The following AGBL4 variants were observed in gnomAD, a reference collection of about 807,000 sequenced individuals.
AGBL4 encodes the protein cytosolic carboxypeptidase 6.
In AGBL4, 58 loss-of-function variants were observed where a neutral mutation model predicts 66.4. The observed-to-expected ratio is 0.87, with a 90% CI of 0.71 to 1.09. AGBL4 has a LOEUF of 1.09. Ranked by LOEUF, AGBL4 falls within the 50% of genes least tolerant of loss-of-function variation. The probability of loss-of-function intolerance (pLI) is 0.00; values close to 1 mark genes in which losing one functional copy is unlikely to be tolerated. For missense variants in AGBL4, 579 were observed against 631.0 expected (o/e 0.92, Z 0.88); for synonymous variants, 234 against 222.9 (o/e 1.05, Z -0.44).
intron 1 of AGBL4, among the ~76,000 whole-genome samples, chr1:50,014,498 T>C (rs896887313): frequency 6.6e-6 from 1 of 151,904 alleles, no homozygotes; most frequent in Non-Finnish European, 1.5e-5. Flanking sequence ...CAAGATCAGT[T>C]TCCTAAATAG....
At position 48,621,223 on chromosome 1, in the gene AGBL4, A is replaced by G. The variant is rs528726528; in HGVS notation, c.951+13270T>C. The stretch of plus-strand genomic sequence containing the variant: ...TCTGGGACAGGAATTTTGAGCAGAG[A>G]AAGTAGAGATAAGATAGATGGAAAG... On this transcript the variant is annotated intron_variant, in intron 9 of 13. Transcript: ENST00000371839. Among the ~76,000 whole-genome samples the G allele has an allele frequency of 4.1e-4, 62 of 152,298 alleles. No individual in the cohort carries two copies. In the South Asian group the frequency reaches 4.4e-3, roughly 11 times the overall value.
intron 4 of AGBL4, among the ~76,000 whole-genome samples, chr1:49,079,630 A>C (rs1410155070): frequency 6.6e-6 from 1 of 152,184 alleles, no homozygotes; most frequent in African/African-American, 2.4e-5. Flanking sequence ...TTGGGTAGGG[A>C]CACAGAGCCA....
intron 3 of AGBL4, among the ~76,000 whole-genome samples, chr1:49,546,255 GTGTGTATATATA>G (rs1478548476): frequency 1.3e-5 from 2 of 151,386 alleles, no homozygotes; most frequent in Non-Finnish European, 2.9e-5. Context: ...ATATATATGT[GTGTGTATATATA>G]TGTGTATATA....
intron 3 of AGBL4, among the ~76,000 whole-genome samples, chr1:49,428,287 A>G (rs959443071): frequency 6.6e-6 from 1 of 152,220 alleles, no homozygotes; most frequent in South Asian, 2.1e-4. Flanking sequence ...CTAGTTCCAC[A>G]GATTCATAGT....
intron 6 of AGBL4, among the ~76,000 whole-genome samples, chr1:48,750,998 G>A (rs1250930141): frequency 6.6e-6 from 1 of 152,144 alleles, no homozygotes; most frequent in African/African-American, 2.4e-5. Flanking sequence ...ATCCATGTTG[G>A]CTGAACACAA....
At chr1:49,133,287 A>G (rs894358199) in intron 4 of AGBL4, among the ~76,000 whole-genome samples, 5 of 151,752 alleles carry the variant, frequency 3.3e-5, no homozygotes, top group Admixed American at 6.6e-5. Flanking sequence ...TACCTAATGC[A>G]TGGCTTAAAA....
intron 3 of AGBL4, among the ~76,000 whole-genome samples, chr1:49,662,374 C>T (rs1174702317): frequency 6.6e-6 from 1 of 151,888 alleles, no homozygotes; most frequent in Non-Finnish European, 1.5e-5. Flanking sequence ...TTTCCAATTT[C>T]CCTCAAAAAT....
chr1:49,935,846 TCATCAAAGA>T (rs1370397828), intron 1 of AGBL4, among the ~76,000 whole-genome samples: 1 of 151,970 alleles, frequency 6.6e-6, no homozygotes, highest in Admixed American at 6.6e-5. Context: ...TACGTCACCA[TCATCAAAGA>T]CCAAAAGTAG....
chr1:49,557,049 G>A lies in AGBL4; in HGVS notation c.282+140264C>T, dbSNP rs116930380. ...GCTCACTCGGAACTCGCACTGGCCC[G>A]TGATTGCTGCGTGCAGCCCTGGTTC... On this transcript the variant is annotated intron_variant, in intron 3 of 13. Coordinates refer to ENST00000371839, the MANE Select transcript of AGBL4 (RefSeq NM_032785.4). Among the ~76,000 whole-genome samples, 45 of 152,186 alleles carry A rather than the reference G, an allele frequency of 3.0e-4. 1 individual carries two copies. The highest frequency in any genetic ancestry group is 2.5e-3 in the Admixed American group (38 of 15,282).
intron 1 of AGBL4, among the ~76,000 whole-genome samples, chr1:49,941,682 G>A (rs1354239665): frequency 6.6e-6 from 1 of 151,898 alleles, no homozygotes; most frequent in Non-Finnish European, 1.5e-5. Flanking sequence ...TTAAAAATCT[G>A]TTCATGATTT....
chr1:49,564,040 G>A (rs1047509587), intron 3 of AGBL4, among the ~76,000 whole-genome samples: 8 of 152,254 alleles, frequency 5.3e-5, no homozygotes, highest in African/African-American at 9.6e-5. Flanking sequence ...AGTCTTGGGA[G>A]GGTGTATGTG....
chr1:48,597,484 G>C (rs558609063), intron 9 of AGBL4, among the ~76,000 whole-genome samples: 2 of 152,180 alleles, frequency 1.3e-5, no homozygotes, highest in South Asian at 4.1e-4. Flanking sequence ...TCTACTTTAG[G>C]TAGTGTGATC....
intron 3 of AGBL4, among the ~76,000 whole-genome samples, chr1:49,333,270 G>A (rs1645370621): frequency 6.6e-6 from 1 of 152,166 alleles, no homozygotes; most frequent in South Asian, 2.1e-4. Flanking sequence ...ATGAGGTCAG[G>A]AGATCAATAC....
At chr1:48,755,329 A>G (rs907595682) in intron 6 of AGBL4, among the ~76,000 whole-genome samples, 2 of 152,200 alleles carry the variant, frequency 1.3e-5, no homozygotes, top group East Asian at 3.9e-4. Flanking sequence ...TGATTCTTCC[A>G]GACAGGTAGA....
chr1:48,805,225 G>A (rs1429741477), intron 6 of AGBL4, among the ~76,000 whole-genome samples: 1 of 152,198 alleles, frequency 6.6e-6, no homozygotes, highest in Non-Finnish European at 1.5e-5. Context: ...GGGGTAGGGA[G>A]TGCACAGGGA....
In AGBL4 at chr1:49,513,967, T is replaced by C. The variant is rs1444303432; in HGVS notation, c.282+183346A>G. On this transcript the variant is annotated intron_variant, in intron 3 of 13. Transcript: ENST00000371839. ...CTAAGACTGGCCCCTAGGTATTTTA[T>C]TCTCTTCGAAGCAATTGCGAATGGG... is the stretch of plus-strand genomic sequence containing the variant. Among the ~76,000 whole-genome samples, 2 of 152,028 alleles carry C rather than the reference T, an allele frequency of 1.3e-5. 1 individual carries two copies. Among genetic ancestry groups the C allele is most frequent in the Non-Finnish European group, 2.9e-5 (2 of 67,960 alleles).
At chr1:49,689,681 T>C (rs1456645262) in intron 3 of AGBL4, among the ~76,000 whole-genome samples, 2 of 152,248 alleles carry the variant, frequency 1.3e-5, no homozygotes, top group Non-Finnish European at 1.5e-5. Context: ...TTTAATAATG[T>C]TGATTCTTCT....
At chr1:49,143,010 A>G (rs1397152283) in intron 4 of AGBL4, among the ~76,000 whole-genome samples, 3 of 152,136 alleles carry the variant, frequency 2.0e-5, no homozygotes, top group Non-Finnish European at 4.4e-5. Context: ...ACAAGGATTA[A>G]TTCCACTTCA....
At position 48,637,824 on chromosome 1, in the gene AGBL4, C is replaced by T. The variant is rs545218203; in HGVS notation, c.840-3220G>A. Among the ~76,000 whole-genome samples the T allele has an allele frequency of 6.6e-5, 10 of 152,244 alleles. No homozygotes were observed. The South Asian group carries it at 2.1e-3, about 32-fold the overall frequency. On this transcript the variant is annotated intron_variant, in intron 8 of 13. Transcript: ENST00000371839. ...CTGACTGCACCCCTAATCAGATGGCCCTATGAAATAAGTCATAGAAAATTC... is the reference window on the plus strand; with the variant it reads ...CTGACTGCACCCCTAATCAGATGGCTCTATGAAATAAGTCATAGAAAATTC...
Sources: gnomAD v4.1 joint callset for allele counts (sites outside exome capture counted in the v4.1 genomes callset) on GRCh38, gnomAD v4.1.1 for gene constraint, MANE v1.5 for transcripts, NCBI Gene and HGNC (gene_info 2026-07-23, HGNC 2026-07-21) for gene names.